The following WDR27 variants were observed in gnomAD, a reference collection of about 807,000 sequenced individuals.
The protein encoded by WDR27 is WD repeat domain 27, also known as WD repeat-containing protein 27.
WDR27 carries 100 observed loss-of-function variants against 114.4 expected under a neutral mutation model. That is an observed-to-expected ratio of 0.87 (90% CI 0.74 to 1.03). WDR27 has a LOEUF of 1.03. Ranked by LOEUF, WDR27 falls within the 50% of genes least tolerant of loss-of-function variation. WDR27 has a pLI of 0.00. For missense variants in WDR27, 1,129 were observed against 1,092.9 expected, an observed-to-expected ratio of 1.03 and a Z score of -0.47; for synonymous variants, 449 against 423.1, an observed-to-expected ratio of 1.06 and a Z score of -0.75.
intron 23 of WDR27, among the ~76,000 whole-genome samples, chr6:169,586,386 T>C (rs1384097714): frequency 2.0e-5 from 3 of 152,140 alleles, no homozygotes; most frequent in Non-Finnish European, 4.4e-5. Context: ...ATGCTCTCTC[T>C]ATCAAAGTTA....
intron 23 of WDR27, among the ~76,000 whole-genome samples, chr6:169,583,477 G>C (rs1584385788): frequency 7.0e-5 from 1 of 14,268 alleles, no homozygotes; most frequent in Non-Finnish European, 1.9e-4. Context: ...GTGTGTGTGT[G>C]TGTATATATA....
intron 2 of WDR27, among the ~76,000 whole-genome samples, chr6:169,686,386 A>G (rs905138003): frequency 1.3e-5 from 2 of 152,188 alleles, no homozygotes; most frequent in Non-Finnish European, 2.9e-5. Context: ...GAAAACAATC[A>G]ATAAAATGAC....
chr6:169,573,753 T>C (rs1801821154), intron 24 of WDR27, among the ~76,000 whole-genome samples: 1 of 152,264 alleles, frequency 6.6e-6, no homozygotes, highest in African/African-American at 2.4e-5. Context: ...TTCTCCATAC[T>C]TAACCTGCAC....
At chr6:169,431,496 TATTG>T in the WDR27 span, among the ~76,000 whole-genome samples, 1 of 152,200 alleles carries the variant, frequency 6.6e-6, no homozygotes, top group Non-Finnish European at 1.5e-5. Context: ...CCCATTTTTA[TATTG>T]ATTATTTGGT....
intron 23 of WDR27, among the ~76,000 whole-genome samples, chr6:169,595,105 A>G (rs985013412): frequency 6.6e-6 from 1 of 152,238 alleles, no homozygotes; most frequent in African/African-American, 2.4e-5. Flanking sequence ...GTTCAAGCTC[A>G]TAGTAAGCCA....
intron 10 of WDR27, 36 bp downstream of exon 10, chr6:169,660,627 A>G: frequency 6.4e-7 from 1 of 1,561,528 alleles, no homozygotes; most frequent in Non-Finnish European, 8.8e-7. Context: ...AAAGGAAAAC[A>G]TTACAGTTAC....
In WDR27 at chr6:169,548,766, T is replaced by C. The variant is rs369041902; in HGVS notation, c.2645+23653A>G. ...GACCCACATAAATACAGCCAACAGA[T>C]CTTTGACAGAGGAGCAAAGACAATA... On this transcript the variant is annotated intron_variant, in intron 25 of 25. Coordinates refer to ENST00000448612, the MANE Select transcript of WDR27 (RefSeq NM_182552.5). Among the ~76,000 whole-genome samples the C allele has an allele frequency of 6.6e-5, 10 of 152,230 alleles. No homozygotes were observed. The East Asian group carries it at 1.9e-3, about 29-fold the overall frequency.
chr6:169,515,616 G>A (rs1028085322), intron 25 of WDR27, among the ~76,000 whole-genome samples: 4 of 151,890 alleles, frequency 2.6e-5, no homozygotes, highest in African/African-American at 7.3e-5. Context: ...TCATAATTTG[G>A]TAATTGAAAG....
intron 25 of WDR27, among the ~76,000 whole-genome samples, chr6:169,485,472 A>T (rs111290683): frequency 0.031 from 4,669 of 152,274 alleles, 212 homozygotes; most frequent in African/African-American, 0.1. Flanking sequence ...TACCATCTCA[A>T]GCCAGTCAGA....
chr6:169,531,258 T>C (rs1304897097), intron 25 of WDR27, among the ~76,000 whole-genome samples: 2 of 152,216 alleles, frequency 1.3e-5, no homozygotes, highest in East Asian at 3.8e-4. Context: ...TTTTCTAGAA[T>C]TAAGAATGAC....
chr6:169,597,727 TA>T (rs1346346101), intron 23 of WDR27, among the ~76,000 whole-genome samples: 2 of 152,270 alleles, frequency 1.3e-5, no homozygotes, highest in East Asian at 3.9e-4. Flanking sequence ...CAGAATTGAA[TA>T]AAATATGTTG....
intron 25 of WDR27, among the ~76,000 whole-genome samples, chr6:169,532,524 CTAT>C (rs898193658): frequency 4.6e-5 from 7 of 152,224 alleles, no homozygotes; most frequent in Non-Finnish European, 8.8e-5. Context: ...CCTCAACTTC[CTAT>C]TTTTTATTAT....
chr6:169,466,531 TC>T (rs1272510855), intron 25 of WDR27, among the ~76,000 whole-genome samples: 1 of 152,080 alleles, frequency 6.6e-6, no homozygotes, highest in Non-Finnish European at 1.5e-5. Flanking sequence ...GGGTAACTGC[TC>T]CCACAATTCA....
chr6:169,461,947 G>A (rs1052107366), intron 25 of WDR27, among the ~76,000 whole-genome samples: 1 of 151,958 alleles, frequency 6.6e-6, no homozygotes, highest in Non-Finnish European at 1.5e-5. Flanking sequence ...AGAAATGAAA[G>A]TTATGGACAT....
intron 25 of WDR27, among the ~76,000 whole-genome samples, chr6:169,509,727 C>T (rs1792526580): frequency 1.3e-5 from 2 of 152,048 alleles, no homozygotes; most frequent in African/African-American, 2.4e-5. Flanking sequence ...TGGGCAAGGA[C>T]TTCATGTCTA....
At chr6:169,481,738 G>A (rs935351030) in intron 25 of WDR27, among the ~76,000 whole-genome samples, 5 of 151,810 alleles carry the variant, frequency 3.3e-5, no homozygotes, top group Admixed American at 3.3e-4. Flanking sequence ...CAGACGGGAG[G>A]AATGAACAAC....
At chr6:169,427,527 G>A in the WDR27 span, among the ~76,000 whole-genome samples, 2 of 151,676 alleles carry the variant, frequency 1.3e-5, no homozygotes, top group Non-Finnish European at 2.9e-5. Context: ...AGATCCAGGA[G>A]AGAGGGCTGG....
chr6:169,573,030 C>T (rs1801706960), intron 24 of WDR27, among the ~76,000 whole-genome samples: 1 of 152,096 alleles, frequency 6.6e-6, no homozygotes, highest in Admixed American at 6.5e-5. Context: ...CGTCCCCACG[C>T]CACCCTGCAG....
At chr6:169,542,326 C>G (rs1796933769) in intron 25 of WDR27, among the ~76,000 whole-genome samples, 1 of 152,062 alleles carries the variant, frequency 6.6e-6, no homozygotes, top group Non-Finnish European at 1.5e-5. Context: ...GTAATTGCAA[C>G]AAACCAACAT....
Sources: gnomAD v4.1 joint callset for allele counts (sites outside exome capture counted in the v4.1 genomes callset) on GRCh38, gnomAD v4.1.1 for gene constraint, MANE v1.5 for transcripts, NCBI Gene and HGNC (gene_info 2026-07-23, HGNC 2026-07-21) for gene names.